The following TMPRSS15 variants were observed in gnomAD, a reference collection of about 807,000 sequenced individuals.
The protein encoded by TMPRSS15 is transmembrane serine protease 15.
Under a neutral mutation model 125.3 loss-of-function variants are expected in TMPRSS15, and 128 were observed. That is an observed-to-expected ratio of 1.02 (90% CI 0.89 to 1.18). The LOEUF (loss-of-function observed/expected upper bound fraction) is 1.18, where lower values mean the gene tolerates loss of function less well. Among genes scored for constraint, TMPRSS15 ranks in the 50% most tolerant of loss-of-function variants. The pLI is 0.00. For missense variants in TMPRSS15, 1,283 were observed against 1,212.7 expected (o/e 1.06, Z -0.86); for synonymous variants, 446 against 423.2 (o/e 1.05, Z -0.66).
rs2076225483 is a variant in TMPRSS15, at chr21:18,435,337, T to C, written c.11-37008A>G. Among the ~76,000 whole-genome samples, 2 of 152,204 alleles carry C rather than the reference T, an allele frequency of 1.3e-5. 1 individual carries two copies. The highest frequency in any genetic ancestry group is 4.1e-4 in the South Asian group (2 of 4,832). ...CCTAATTCATTGAGAGTTTTTAGCA[T>C]GAATGGTTGTTGAATTTTGTCAAAG... On this transcript the variant is annotated intron_variant, in intron 1 of 7. Coordinates refer to the TMPRSS15 transcript ENST00000422787.
chr21:18,405,873 A>G (rs2076150295), upstream of TMPRSS15, among the ~76,000 whole-genome samples: 1 of 152,218 alleles, frequency 6.6e-6, no homozygotes, highest in African/African-American at 2.4e-5. Context: ...AGGAAAAATC[A>G]TGAAGAACAT....
At chr21:18,454,390 T>C (rs980333999) in intron 1 of TMPRSS15, among the ~76,000 whole-genome samples, 8 of 152,134 alleles carry the variant, frequency 5.3e-5, no homozygotes, top group Non-Finnish European at 1.2e-4. Context: ...GTTAGGGTTC[T>C]GCAGAGAAGC....
intron 3 of TMPRSS15, among the ~76,000 whole-genome samples, chr21:18,395,083 G>T (rs2123110165): frequency 6.6e-6 from 1 of 152,274 alleles, no homozygotes; most frequent in Non-Finnish European, 1.5e-5. Flanking sequence ...AAATCAGAGT[G>T]GAGAACAAGG....
chr21:18,456,777 C>G (rs1343497451), intron 1 of TMPRSS15, among the ~76,000 whole-genome samples: 1 of 151,964 alleles, frequency 6.6e-6, no homozygotes, highest in East Asian at 1.9e-4. Context: ...ATGTATTATC[C>G]TTGATACATA....
At chr21:18,307,977 TGGGCAGGGAAAGCCC>T (rs1426007193) in intron 18 of TMPRSS15, among the ~76,000 whole-genome samples, 5 of 152,178 alleles carry the variant, frequency 3.3e-5, no homozygotes, top group African/African-American at 9.6e-5. Context: ...GACACAAATC[TGGGCAGGGAAAGCCC>T]AGTCATCCGG....
chr21:18,314,832 T>C (rs1018220671), intron 17 of TMPRSS15, among the ~76,000 whole-genome samples: 1 of 151,922 alleles, frequency 6.6e-6, no homozygotes, highest in South Asian at 2.1e-4. Context: ...CCAATATGAG[T>C]GGTGCTAGCC....
intron 1 of TMPRSS15, among the ~76,000 whole-genome samples, chr21:18,458,386 T>A (rs538616551): frequency 3.3e-4 from 51 of 152,318 alleles, no homozygotes; most frequent in African/African-American, 1.2e-3. Flanking sequence ...GTCAATTTAC[T>A]CATATTGAAT....
chr21:18,440,742 C>T (rs548319877), intron 1 of TMPRSS15, among the ~76,000 whole-genome samples: 1 of 152,152 alleles, frequency 6.6e-6, no homozygotes, highest in African/African-American at 2.4e-5. Flanking sequence ...ATGACCTGTT[C>T]ATGTAAATAA....
At chr21:18,365,631 T>TC (rs397961885) in intron 6 of TMPRSS15, among the ~76,000 whole-genome samples, 5,373 of 69,400 alleles carry the variant, frequency 0.077, 742 homozygotes, top group African/African-American at 0.24. Flanking sequence ...TTTCTTTCTC[T>TC]TTCTCTCTCT....
At chr21:18,318,727 A>G (rs752046150) in intron 16 of TMPRSS15, among the ~76,000 whole-genome samples, 15 of 152,234 alleles carry the variant, frequency 9.9e-5, no homozygotes, top group Non-Finnish European at 2.1e-4. Flanking sequence ...CAGAGCCGAA[A>G]AAGGAGATTT....
At chr21:18,365,796 T>C (rs112785941) in intron 6 of TMPRSS15, among the ~76,000 whole-genome samples, 4,253 of 144,738 alleles carry the variant, frequency 0.029, 81 homozygotes, top group Non-Finnish European at 0.045. Flanking sequence ...TGTGCTGGAA[T>C]GCAACGGCGC....
intron 1 of TMPRSS15, among the ~76,000 whole-genome samples, chr21:18,409,053 G>A (rs2076159327): frequency 6.6e-6 from 1 of 152,082 alleles, no homozygotes; most frequent in Non-Finnish European, 1.5e-5. Context: ...ATTCATATGT[G>A]AGAAATCTTC....
intron 1 of TMPRSS15, among the ~76,000 whole-genome samples, chr21:18,444,083 C>T (rs2076249513): frequency 2.0e-5 from 3 of 152,222 alleles, no homozygotes; most frequent in African/African-American, 4.8e-5. Flanking sequence ...CAGCACACTC[C>T]CCGCCCCTTG....
chr21:18,408,632 G>T (rs2076158405), upstream of TMPRSS15, among the ~76,000 whole-genome samples: 1 of 151,964 alleles, frequency 6.6e-6, no homozygotes, highest in Non-Finnish European at 1.5e-5. Context: ...GATCTAATTG[G>T]CAAATTCTTT....
intron 18 of TMPRSS15, among the ~76,000 whole-genome samples, chr21:18,300,399 T>C (rs1040852791): frequency 6.6e-6 from 1 of 150,426 alleles, no homozygotes; most frequent in African/African-American, 2.4e-5. Context: ...TGGAGTGCAG[T>C]GGCTCAATCT....
chr21:18,454,830 C>G (rs1399839434), intron 1 of TMPRSS15, among the ~76,000 whole-genome samples: 3 of 152,148 alleles, frequency 2.0e-5, no homozygotes, highest in African/African-American at 7.2e-5. Context: ...ATTCCAGAAA[C>G]ATCCTCACAG....
At chr21:18,285,015 G>C (rs1251706250) in intron 21 of TMPRSS15, among the ~76,000 whole-genome samples, 3 of 150,346 alleles carry the variant, frequency 2.0e-5, no homozygotes, top group African/African-American at 7.3e-5. Flanking sequence ...AAAAAAAAGA[G>C]AAAAAAAAGA....
Position 18,269,876 on chromosome 21 carries a change from T to G in TMPRSS15, c.*93A>C. The G allele has an allele frequency of 6.6e-7, 1 of 1,515,246 alleles. No homozygotes were observed. Among genetic ancestry groups the G allele is most frequent in the Non-Finnish European group, 9.0e-7 (1 of 1,113,450 alleles). 93.9% of individuals were successfully genotyped at this position (1,515,246 alleles called of 1,614,324 possible). ...GTAAGAATAAAAACCTTTGGTAACT[T>G]TTTAAAATTTTTGTACGAAACACTT... On this transcript the variant is annotated 3_prime_UTR_variant, in exon 25 of 25. Coordinates refer to ENST00000284885, the MANE Select transcript of TMPRSS15 (RefSeq NM_002772.3).
At position 18,313,074 on chromosome 21, in the gene TMPRSS15, C is replaced by A; in HGVS notation, c.2036G>T (p.Arg679Leu). Reference protein sequence around the residue: ...EDGSDEADCVRFFNGTTNNNG... With the variant: ...EDGSDEADCVLFFNGTTNNNG... ...GTTGTTCGTTGTGCCATTGAAAAAA[C>A]GCACTAAAGACACAGAGAGCATAAT... Residue 679 changes from arginine (R) to leucine (L), a missense_variant, in exon 18 of 25, where the codon CGT (arginine) becomes CTT (leucine). By Grantham distance (102) the Arg-to-Leu change is moderately radical (BLOSUM62 -2). Coordinates refer to ENST00000284885, the MANE Select transcript of TMPRSS15 (RefSeq NM_002772.3). 6.2e-7 allele frequency: 1 copy of A among 1,612,158 alleles called. No individual in the cohort carries two copies. The highest frequency in any genetic ancestry group is 1.1e-5 in the South Asian group (1 of 91,026).
Sources: gnomAD v4.1 joint callset for allele counts (sites outside exome capture counted in the v4.1 genomes callset) on GRCh38, gnomAD v4.1.1 for gene constraint, MANE v1.5 for transcripts, NCBI Gene and HGNC (gene_info 2026-07-23, HGNC 2026-07-21) for gene names.